Variants in PTK2 observed in about 807,000 individuals in gnomAD.
PTK2 encodes the protein focal adhesion kinase 1.
A neutral mutation model predicts 150.1 loss-of-function variants in PTK2; 45 were observed. The observed-to-expected ratio is 0.30, with a 90% confidence interval of 0.24 to 0.38. PTK2 has a LOEUF of 0.38. PTK2 is among the 10% of genes least tolerant of loss of function. The probability of loss-of-function intolerance (pLI) is 1.00; values close to 1 mark genes in which losing one functional copy is unlikely to be tolerated. For missense variants in PTK2, 919 were observed against 1,307.3 expected (o/e 0.70, Z 4.58); for synonymous variants, 432 against 449.2 (o/e 0.96, Z 0.48).
At chr8:140,725,553 G>T (rs529614040) in intron 22 of PTK2, among the ~76,000 whole-genome samples, 52 of 152,196 alleles carry the variant, frequency 3.4e-4, no homozygotes, top group Non-Finnish European at 4.9e-4. Context: ...AATAACCAGA[G>T]AAATGAGTTT....
intron 15 of PTK2, 34 bp from the exon 19 acceptor site, chr8:140,761,296 T>C (rs376868201): frequency 1.2e-4 from 180 of 1,454,516 alleles, no homozygotes; most frequent in Non-Finnish European, 1.6e-4. Context: ...AATACTTAAG[T>C]AAAATATTCC....
chr8:140,777,147 A>C (rs1218055556), intron 14 of PTK2, among the ~76,000 whole-genome samples: 1 of 152,232 alleles, frequency 6.6e-6, no homozygotes, highest in Non-Finnish European at 1.5e-5. Context: ...GTATTAGGCC[A>C]TTATTGTATT....
intron 23 of PTK2, among the ~76,000 whole-genome samples, chr8:140,710,233 G>C (rs1200467245): frequency 6.6e-6 from 1 of 151,564 alleles, no homozygotes; most frequent in Non-Finnish European, 1.5e-5. Context: ...AGGAGGCAGA[G>C]GCTGGAGAAT....
intron 1 of PTK2, among the ~76,000 whole-genome samples, chr8:140,947,379 AAAAAT>A (rs1482248142): frequency 6.6e-6 from 1 of 152,232 alleles, no homozygotes; most frequent in African/African-American, 2.4e-5. Flanking sequence ...TGAGGATAAG[AAAAAT>A]AAAATGTTTT....
chr8:140,669,668 CAG>C, intron 29 of PTK2, 57 bp downstream of exon 33: 1 of 1,511,770 alleles, frequency 6.6e-7, no homozygotes, highest in South Asian at 1.2e-5. Context: ...AAGTTACATG[CAG>C]AGAGCCGGGT....
At chr8:140,836,730 A>G (rs1474081433) in intron 7 of PTK2, among the ~76,000 whole-genome samples, 1 of 152,238 alleles carries the variant, frequency 6.6e-6, no homozygotes, top group East Asian at 1.9e-4. Flanking sequence ...TACAGATATC[A>G]GATACTATAT....
chr8:140,882,098 C>T (rs374154493), intron 3 of PTK2, among the ~76,000 whole-genome samples: 5 of 152,288 alleles, frequency 3.3e-5, no homozygotes, highest in South Asian at 2.1e-4. Context: ...GCATCCATAT[C>T]GTACTCTGTC....
At chr8:140,957,659 T>C (rs960364378) in intron 1 of PTK2, among the ~76,000 whole-genome samples, 1 of 152,148 alleles carries the variant, frequency 6.6e-6, no homozygotes, top group Non-Finnish European at 1.5e-5. Flanking sequence ...AAGTGCCCTA[T>C]ACAGGTATAT....
At chr8:140,832,187 TG>T (rs1405030869) in intron 7 of PTK2, among the ~76,000 whole-genome samples, 3 of 152,152 alleles carry the variant, frequency 2.0e-5, no homozygotes, top group Non-Finnish European at 4.4e-5. Flanking sequence ...CCCAAGTAGC[TG>T]GGTTTACAGG....
intron 29 of PTK2, chr8:140,669,301 G>GTATGTATATATATA (rs547959878): frequency 6.3e-4 from 62 of 97,992 alleles, no homozygotes; most frequent in African/African-American, 2.7e-3. Flanking sequence ...GCATAAAATG[G>GTATGTATATATATA]TATATATATA....
Position 140,789,515 on chromosome 8 carries a change from C to A in PTK2, c.1136G>T (p.Ser379Ile), listed in dbSNP as rs538944133. The A allele has an allele frequency of 1.1e-5, 18 of 1,613,428 alleles. No homozygotes were observed. The South Asian group carries it at 1.9e-4, about 17-fold the overall frequency. The change falls in exon 14 of 32, where the codon AGC becomes ATC. Residue 379 changes from serine (S) to isoleucine (I), a missense_variant. Transcript: ENST00000522684. ...GTGTGTCCGCATGCCTTGCTTTTCG[C>A]TGTTGGCCAACCTGTGACAGACAAG...
At chr8:140,960,091 G>A (rs1378068962) in intron 1 of PTK2, among the ~76,000 whole-genome samples, 5 of 148,188 alleles carry the variant, frequency 3.4e-5, no homozygotes, top group African/African-American at 1.3e-4. Flanking sequence ...CAATTCACCA[G>A]CAATTATTTT....
intron 1 of PTK2, among the ~76,000 whole-genome samples, chr8:140,994,055 C>G (rs999210925): frequency 1.3e-5 from 2 of 152,142 alleles, no homozygotes; most frequent in African/African-American, 2.4e-5. Context: ...TGTCATTTAT[C>G]TGTTTCTGAA....
intron 23 of PTK2, among the ~76,000 whole-genome samples, chr8:140,715,157 T>G (rs1187096657): frequency 4.5e-3 from 17 of 3,756 alleles, no homozygotes; most frequent in South Asian, 0.012. Flanking sequence ...TTAAAACCGT[T>G]TTTTTTTTTT....
intron 5 of PTK2, among the ~76,000 whole-genome samples, chr8:140,861,988 C>T (rs80338221): frequency 6.6e-6 from 1 of 152,096 alleles, no homozygotes; most frequent in Admixed American, 6.5e-5. Flanking sequence ...CTATAGACTA[C>T]CATAAAATAT....
chr8:140,784,993 T>C (rs879619022), intron 14 of PTK2, among the ~76,000 whole-genome samples: 11 of 152,208 alleles, frequency 7.2e-5, no homozygotes, highest in Non-Finnish European at 1.0e-4. Context: ...TATTGCTTTA[T>C]TTGCCAACAA....
chr8:140,808,241 A>G (rs893179504), intron 10 of PTK2, among the ~76,000 whole-genome samples: 3 of 152,104 alleles, frequency 2.0e-5, no homozygotes, highest in African/African-American at 7.2e-5. Context: ...TACCATGAAC[A>G]GGTAAGATGG....
chr8:140,711,762 C>T (rs1040001260), intron 23 of PTK2, among the ~76,000 whole-genome samples: 1 of 152,112 alleles, frequency 6.6e-6, no homozygotes, highest in Non-Finnish European at 1.5e-5. Flanking sequence ...GCTATGCCAC[C>T]GTGTCTCCCA....
chr8:140,674,434 C>A, intron 28 of PTK2, 30 bp from the exon 32 acceptor site: 1 of 1,545,132 alleles, frequency 6.5e-7, no homozygotes, highest in South Asian at 1.2e-5. Context: ...CCCATTAAGT[C>A]ATGTGCGTTA....
Sources: gnomAD v4.1 joint callset for allele counts (sites outside exome capture counted in the v4.1 genomes callset) on GRCh38, gnomAD v4.1.1 for gene constraint, MANE v1.5 for transcripts, NCBI Gene and HGNC (gene_info 2026-07-23, HGNC 2026-07-21) for gene names.